Variants in PARP16 observed in about 807,000 individuals in gnomAD.
PARP16 encodes poly(ADP-ribose) polymerase family member 16.
In PARP16, 31 loss-of-function variants were observed where a neutral mutation model predicts 35.0. That is an observed-to-expected ratio of 0.88 (90% CI 0.66 to 1.19). The LOEUF (loss-of-function observed/expected upper bound fraction) is 1.19. PARP16 is among the 50% of genes most tolerant of loss of function. PARP16 has a pLI of 0.00. For synonymous variants in PARP16, 162 were observed against 169.5 expected, an observed-to-expected ratio of 0.96 and a Z score of 0.34; for missense variants, 424 against 411.2, an observed-to-expected ratio of 1.03 and a Z score of -0.27.
chr15:65,244,418 A>C (rs1271271886), intron 3 of PARP16, among the ~76,000 whole-genome samples: 10 of 152,194 alleles, frequency 6.6e-5, no homozygotes, highest in Admixed American at 6.5e-5. Context: ...AAGATGAAGG[A>C]AGAGCAAAGT....
intron 1 of PARP16, among the ~76,000 whole-genome samples, chr15:65,276,065 G>C (rs1258615187): frequency 6.6e-6 from 1 of 152,094 alleles, no homozygotes; most frequent in East Asian, 1.9e-4. Context: ...GCCTCTTCCC[G>C]GCCCTCCTAC....
chr15:65,249,082 G>C (rs1356736129), intron 2 of PARP16, among the ~76,000 whole-genome samples: 1 of 152,190 alleles, frequency 6.6e-6, no homozygotes, highest in African/African-American at 2.4e-5. Flanking sequence ...AACAGGCCTA[G>C]GGGACGAAAA....
chr15:65,261,454 T>C (rs556216324), intron 4 of PARP16, among the ~76,000 whole-genome samples: 1 of 143,444 alleles, frequency 7.0e-6, no homozygotes, highest in Admixed American at 7.0e-5. Context: ...ACATGTTTTG[T>C]TTTTTTTTTG....
At chr15:65,269,172 G>T (rs1199415527) in intron 2 of PARP16, among the ~76,000 whole-genome samples, 1 of 47,126 alleles carries the variant, frequency 2.1e-5, no homozygotes, top group South Asian at 8.7e-4. Context: ...ATTTTAGTCG[G>T]TTTTTTTCTT....
At chr15:65,278,751 T>G (rs963117794) in intron 1 of PARP16, among the ~76,000 whole-genome samples, 1 of 151,994 alleles carries the variant, frequency 6.6e-6, no homozygotes, top group Non-Finnish European at 1.5e-5. Flanking sequence ...CCTAGAAAGG[T>G]GCGGCAGCAG....
chr15:65,244,232 T>G (rs2089149273), intron 3 of PARP16, among the ~76,000 whole-genome samples: 1 of 152,226 alleles, frequency 6.6e-6, no homozygotes, highest in Non-Finnish European at 1.5e-5. Flanking sequence ...TAATCTCATT[T>G]ACTTCCTTCA....
intron 2 of PARP16, among the ~76,000 whole-genome samples, chr15:65,250,242 C>T (rs1179962422): frequency 6.6e-6 from 1 of 151,506 alleles, no homozygotes; most frequent in Non-Finnish European, 1.5e-5. Context: ...CTCAGCCTGC[C>T]CAGTAGCTGG....
intron 2 of PARP16, among the ~76,000 whole-genome samples, chr15:65,248,819 G>A (rs886983522): frequency 6.6e-6 from 1 of 152,190 alleles, no homozygotes; most frequent in African/African-American, 2.4e-5. Context: ...CCAGGCCAGA[G>A]TCCTAGGTTA....
At chr15:65,260,158 T>C (rs1289738982) in intron 5 of PARP16, among the ~76,000 whole-genome samples, 8 of 152,122 alleles carry the variant, frequency 5.3e-5, no homozygotes, top group Non-Finnish European at 1.0e-4. Context: ...GTTTATGAAG[T>C]CTGGAAGCAT....
downstream of PARP16, among the ~76,000 whole-genome samples, chr15:65,233,620 C>T (rs1377866817): frequency 6.6e-6 from 1 of 151,800 alleles, no homozygotes; most frequent in Non-Finnish European, 1.5e-5. Context: ...CCTGTAGTCC[C>T]AGCTACTCAG....
chr15:65,258,910 T>A lies in PARP16; in HGVS notation c.*497A>T, dbSNP rs1236815726. On this transcript the variant is annotated 3_prime_UTR_variant, in exon 6 of 6. Transcript: ENST00000649807. ...ACTCACATACAAAGGCTGATGGAAT[T>A]CAAAAATGATCCCACTGATTTTTAT... The A allele has an allele frequency of 6.5e-6, 1 of 153,098 alleles. No homozygotes were observed. The highest frequency in any genetic ancestry group is 1.5e-5 in the Non-Finnish European group (1 of 68,368). 9.5% of individuals were successfully genotyped at this position (153,098 alleles called of 1,614,324 possible). A position where few individuals can be genotyped will look rare whatever the true frequency, so the allele number is the denominator to read the frequency against.
At chr15:65,273,736 C>A (rs1045268715) in intron 1 of PARP16, among the ~76,000 whole-genome samples, 2 of 151,622 alleles carry the variant, frequency 1.3e-5, no homozygotes, top group East Asian at 3.9e-4. Flanking sequence ...ATTAGCCGGG[C>A]GTAGTGGCAC....
downstream of PARP16, among the ~76,000 whole-genome samples, chr15:65,232,021 C>A (rs2088783375): frequency 6.6e-6 from 1 of 151,786 alleles, no homozygotes; most frequent in South Asian, 2.1e-4. Flanking sequence ...ATTGTTTGTA[C>A]CTACAGTTGT....
chr15:65,272,807 C>G (rs2090131846), intron 1 of PARP16, among the ~76,000 whole-genome samples: 1 of 152,220 alleles, frequency 6.6e-6, no homozygotes, highest in South Asian at 2.1e-4. Flanking sequence ...AAGGGCACCT[C>G]TCTACCTCGC....
chr15:65,253,615 C>A (rs1375004549), downstream of PARP16, among the ~76,000 whole-genome samples: 1 of 152,118 alleles, frequency 6.6e-6, no homozygotes, highest in Non-Finnish European at 1.5e-5. Flanking sequence ...CAGGCGTGAG[C>A]CACCGCGCCC....
intron 3 of PARP16, 114 bp downstream of exon 3, chr15:65,266,448 A>G (rs1014794905): frequency 2.5e-6 from 2 of 805,166 alleles, no homozygotes; most frequent in Non-Finnish European, 4.2e-6. Context: ...AGAAGGCGTT[A>G]GTAAACCTAC....
rs777463233 is a variant in PARP16 at position 65,259,268 on chromosome 15, T to G, written c.*139A>C. 16 of 762,486 alleles carry G rather than the reference T, an allele frequency of 2.1e-5. No individual in the cohort carries two copies. Among genetic ancestry groups the G allele is most frequent in the Non-Finnish European group, 3.4e-5 (15 of 437,886 alleles). The allele number at this position is 762,486 out of a possible 1,614,324, so 47.2% of individuals were successfully genotyped here. On this transcript the variant is annotated 3_prime_UTR_variant, in exon 6 of 6. Coordinates refer to ENST00000649807, the MANE Select transcript of PARP16 (RefSeq NM_001316943.2). ...ACATCATCAAAGGCAATGGATACAT[T>G]TAGGCCATATGAAAATTGTCCTGTG...
chr15:65,239,384 A>G (rs7498091), intron 3 of PARP16, among the ~76,000 whole-genome samples: 99,257 of 135,868 alleles, frequency 0.73, 36,931 homozygotes, highest in East Asian at 1. Context: ...CTGAGATCCC[A>G]CCACTGCACG....
rs534138990 is a variant in PARP16 at position 65,271,581 on chromosome 15, G to A, written c.175-509C>T. Among the ~76,000 whole-genome samples, 16 of 151,996 alleles carry A rather than the reference G, an allele frequency of 1.1e-4. No individual in the cohort carries two copies. The South Asian group carries it at 3.3e-3, about 32-fold the overall frequency. Reference sequence around the variant, plus strand: ...TGAACCACCATGCCCAGCCTTGGTGGTTTGTTTTTTTTTAAACTCTTTGGG... The same window carrying A: ...TGAACCACCATGCCCAGCCTTGGTGATTTGTTTTTTTTTAAACTCTTTGGG... On this transcript the variant is annotated intron_variant, in intron 1 of 5. Transcript: ENST00000649807.
Sources: allele counts gnomAD v4.1 joint callset (sites outside exome capture counted in the v4.1 genomes callset), GRCh38; gene constraint gnomAD v4.1.1; transcripts MANE v1.5; gene names NCBI Gene and HGNC (gene_info 2026-07-23, HGNC 2026-07-21).